The following NELL2 variants were observed in gnomAD, a reference collection of about 807,000 sequenced individuals.
The protein encoded by NELL2 is protein kinase C-binding protein NELL2.
A neutral mutation model predicts 109.6 loss-of-function variants in NELL2; 41 were observed. The observed-to-expected ratio is 0.37, with a 90% CI of 0.29 to 0.49. The LOEUF (loss-of-function observed/expected upper bound fraction) is 0.49, where lower values mean the gene tolerates loss of function less well. Among genes scored for constraint, NELL2 ranks in the 20% least tolerant of loss-of-function variants. NELL2 has a pLI of 0.98. For synonymous variants in NELL2, 355 were observed against 344.7 expected (o/e 1.03, Z -0.33); for missense variants, 900 against 1,008.3 (o/e 0.89, Z 1.45).
At chr12:44,917,614 C>A (rs543185735), upstream of NELL2, among the ~76,000 whole-genome samples, 84 of 152,218 alleles carry the variant, frequency 5.5e-4, no homozygotes, top group African/African-American at 2.0e-3. Flanking sequence ...TGCTTCTAAT[C>A]GATAGAATAT....
chr12:44,619,854 A>G (rs1945982727), intron 13 of NELL2, among the ~76,000 whole-genome samples: 1 of 152,300 alleles, frequency 6.6e-6, no homozygotes, highest in Middle Eastern at 3.4e-3. Flanking sequence ...CATTCACTTT[A>G]CACATCCAAG....
At chr12:44,917,737 C>G (rs1945839104), upstream of NELL2, among the ~76,000 whole-genome samples, 1 of 152,182 alleles carries the variant, frequency 6.6e-6, no homozygotes, top group African/African-American at 2.4e-5. Context: ...ACTAGGCACT[C>G]CCTGAAGTCA....
At chr12:44,682,536 G>T (rs553161610) in intron 12 of NELL2, among the ~76,000 whole-genome samples, 1 of 152,128 alleles carries the variant, frequency 6.6e-6, no homozygotes, top group Admixed American at 6.5e-5. Context: ...TTCTTCTAGG[G>T]TTTTTATTGT....
chr12:44,901,418 AC>A (rs756311994), intron 1 of NELL2, among the ~76,000 whole-genome samples: 2 of 152,210 alleles, frequency 1.3e-5, no homozygotes, highest in Non-Finnish European at 2.9e-5. Context: ...TAGCCTACAA[AC>A]AAAAACCAGC....
intron 19 of NELL2, among the ~76,000 whole-genome samples, chr12:44,517,487 C>T (rs2138972726): frequency 6.6e-6 from 1 of 151,264 alleles, no homozygotes; most frequent in South Asian, 2.1e-4. Context: ...CCTATAGACC[C>T]TGCAGAACTG....
rs112991169 is a variant in NELL2 at position 44,625,919 on chromosome 12, T to C, written c.1445-14949A>G. 1.0e-2 allele frequency among the ~76,000 whole-genome samples: 1,516 copies of C among 152,122 alleles called. 26 individuals carry two copies. Among genetic ancestry groups the C allele is most frequent in the African/African-American group, 0.034 (1,404 of 41,472 alleles). On this transcript the variant is annotated intron_variant, in intron 13 of 19. Coordinates refer to ENST00000429094, the MANE Select transcript of NELL2 (RefSeq NM_001145108.2). ...ATTTTTACTTCTTCTGTGAATATTA[T>C]GGACAATTCTATATTACCTAAGGTA...
At chr12:44,857,896 G>T (rs1236768340) in intron 2 of NELL2, among the ~76,000 whole-genome samples, 6 of 152,058 alleles carry the variant, frequency 3.9e-5, no homozygotes, top group African/African-American at 1.4e-4. Flanking sequence ...TAGAACAGAA[G>T]ATGCTTTAGG....
intron 13 of NELL2, among the ~76,000 whole-genome samples, chr12:44,629,682 A>T (rs564697954): frequency 3.3e-5 from 5 of 152,334 alleles, no homozygotes; most frequent in African/African-American, 1.2e-4. Flanking sequence ...TTTTACAAAT[A>T]TCATGGTAAT....
chr12:44,736,188 T>A (rs1268096378), intron 9 of NELL2, among the ~76,000 whole-genome samples: 2 of 151,828 alleles, frequency 1.3e-5, no homozygotes, highest in African/African-American at 4.8e-5. Context: ...TTTTTGTATT[T>A]TTAGTAGAGA....
rs1940986838 is a variant in NELL2 at position 44,758,484 on chromosome 12, A to G, written c.994+16263T>C. Among the ~76,000 whole-genome samples, 4 of 152,228 alleles carry G rather than the reference A, an allele frequency of 2.6e-5. No homozygotes were observed. In the South Asian group the frequency reaches 8.3e-4, roughly 31 times the overall value. On this transcript the variant is annotated intron_variant, in intron 9 of 19. Coordinates refer to ENST00000429094, the MANE Select transcript of NELL2 (RefSeq NM_001145108.2). ...TTTTTGCAGAAGATGCGCAAGCACA[A>G]TAATCTCAACTTACTGTTAATATTT...
chr12:44,830,585 A>G (rs940994026), intron 2 of NELL2, among the ~76,000 whole-genome samples: 7 of 152,252 alleles, frequency 4.6e-5, no homozygotes, highest in African/African-American at 1.7e-4. Context: ...ACCAGCCTTC[A>G]TGTCAGTCCC....
Position 44,755,841 on chromosome 12 carries a change from G to A in NELL2, c.994+18906C>T, listed in dbSNP as rs185879499. ...ATACTATCATTAACTTCTTTGTCTG[G>A]AGATCAAAATCCTAACGATGGATGA... On this transcript the variant is annotated intron_variant, in intron 9 of 19. Coordinates refer to ENST00000429094, the MANE Select transcript of NELL2 (RefSeq NM_001145108.2). Among the ~76,000 whole-genome samples the A allele has an allele frequency of 5.5e-4, 84 of 152,230 alleles. 2 individuals are homozygous for A. The East Asian group carries it at 0.01, about 19-fold the overall frequency.
chr12:44,712,220 T>C (rs1457709807), intron 10 of NELL2, among the ~76,000 whole-genome samples: 2 of 152,096 alleles, frequency 1.3e-5, no homozygotes, highest in Non-Finnish European at 2.9e-5. Flanking sequence ...TGTTAACTAC[T>C]GCTCAATAGC....
chr12:44,771,424 C>T (rs2034483), intron 9 of NELL2, among the ~76,000 whole-genome samples: 119,291 of 152,032 alleles, frequency 0.78, 47,458 homozygotes, highest in Non-Finnish European at 0.86. Flanking sequence ...ACTAACTGCA[C>T]GTTCCTGAAT....
chr12:44,527,794 T>G (rs1160896749), intron 16 of NELL2, among the ~76,000 whole-genome samples: 1 of 152,098 alleles, frequency 6.6e-6, no homozygotes, highest in Non-Finnish European at 1.5e-5. Flanking sequence ...AGATGTGTTC[T>G]TTTAAAAAAC....
intron 12 of NELL2, among the ~76,000 whole-genome samples, chr12:44,682,136 T>A (rs1479957171): frequency 1.3e-5 from 2 of 149,920 alleles, no homozygotes; most frequent in Non-Finnish European, 2.9e-5. Flanking sequence ...GATATCTCAT[T>A]GTGGTTTTGA....
chr12:44,724,014 G>C (rs1389856359), intron 9 of NELL2, among the ~76,000 whole-genome samples: 1 of 151,806 alleles, frequency 6.6e-6, no homozygotes, highest in East Asian at 1.9e-4. Context: ...CAAGGAACTG[G>C]ATAAAGAAAA....
chr12:44,781,052 A>G (rs1427712093), intron 3 of NELL2, among the ~76,000 whole-genome samples: 4 of 152,174 alleles, frequency 2.6e-5, no homozygotes, highest in African/African-American at 9.6e-5. Flanking sequence ...TGTAAAAAGA[A>G]AAAGAACAGA....
chr12:44,835,075 C>T (rs1944010686), intron 2 of NELL2, among the ~76,000 whole-genome samples: 2 of 152,100 alleles, frequency 1.3e-5, no homozygotes, highest in Admixed American at 6.6e-5. Flanking sequence ...CTAGCTCAGA[C>T]TCAAGGGACA....
Sources: gnomAD v4.1 joint callset for allele counts (sites outside exome capture counted in the v4.1 genomes callset) on GRCh38, gnomAD v4.1.1 for gene constraint, MANE v1.5 for transcripts, NCBI Gene and HGNC (gene_info 2026-07-23, HGNC 2026-07-21) for gene names.